CSMD1: variants seen among roughly 807,000 people sequenced by gnomAD.
The protein encoded by CSMD1 is CUB and sushi domain-containing protein 1.
CSMD1 carries 213 observed loss-of-function variants against 417.5 expected under a neutral mutation model. The observed-to-expected ratio is 0.51, with a 90% CI of 0.46 to 0.57. The LOEUF (loss-of-function observed/expected upper bound fraction) is 0.57, where lower values mean the gene tolerates loss of function less well. CSMD1 is among the 20% of genes least tolerant of loss of function. The pLI is 0.00. For synonymous variants in CSMD1, 2,862 were observed against 1,736.8 expected (o/e 1.65, Z -16.11); for missense variants, 6,923 against 4,529.7 (o/e 1.53, Z -15.17).
intron 1 of CSMD1, among the ~76,000 whole-genome samples, chr8:4,956,821 T>G: frequency 6.6e-6 from 1 of 152,282 alleles, no homozygotes; most frequent in Non-Finnish European, 1.5e-5. Flanking sequence ...ACCTGTTGCA[T>G]TGCTTCCACG....
At chr8:3,759,559 T>C (rs1443953591) in intron 5 of CSMD1, among the ~76,000 whole-genome samples, 1 of 151,544 alleles carries the variant, frequency 6.6e-6, no homozygotes, top group East Asian at 1.9e-4. Flanking sequence ...TGGTGGAAAA[T>C]GGGCATGAAC....
At chr8:4,452,934 T>C (rs76752136) in intron 2 of CSMD1, among the ~76,000 whole-genome samples, 16,609 of 152,158 alleles carry the variant, frequency 0.11, 1,444 homozygotes, top group East Asian at 0.41. Context: ...CTTTTTATTT[T>C]AGTTAAATAG....
intron 8 of CSMD1, among the ~76,000 whole-genome samples, chr8:3,615,035 T>G (rs779997390): frequency 2.0e-5 from 3 of 152,218 alleles, no homozygotes; most frequent in Non-Finnish European, 4.4e-5. Context: ...TTCGTTGCTT[T>G]GTTTTCAAAA....
At chr8:3,993,650 T>C (rs949742897) in intron 5 of CSMD1, among the ~76,000 whole-genome samples, 1 of 152,300 alleles carries the variant, frequency 6.6e-6, no homozygotes, top group South Asian at 2.1e-4. Flanking sequence ...GTTATGCTGG[T>C]TCATGAAAAA....
chr8:4,431,055 G>T (rs1658820), intron 2 of CSMD1, among the ~76,000 whole-genome samples: 49,278 of 151,914 alleles, frequency 0.32, 8,674 homozygotes, highest in African/African-American at 0.48. Context: ...CTCGTGGAGT[G>T]TCCATTTTAT....
At chr8:4,705,362 TGATG>T (rs1181458243) in intron 1 of CSMD1, among the ~76,000 whole-genome samples, 2 of 152,190 alleles carry the variant, frequency 1.3e-5, no homozygotes, top group African/African-American at 4.8e-5. Flanking sequence ...CTGGAAACCA[TGATG>T]TAAGACAACC....
At chr8:3,128,225 C>G (rs570302154) in intron 41 of CSMD1, 1 of 152,090 alleles carries the variant, frequency 6.6e-6, no homozygotes, top group Non-Finnish European at 1.5e-5. Context: ...ATAAGTGCAA[C>G]GAGACCATGC....
At chr8:4,596,589 C>G (rs4875369) in intron 2 of CSMD1, among the ~76,000 whole-genome samples, 133,639 of 152,202 alleles carry the variant, frequency 0.88, 59,025 homozygotes, top group Non-Finnish European at 0.93. Context: ...CTCTGAAGTG[C>G]ATATATTCTT....
intron 3 of CSMD1, among the ~76,000 whole-genome samples, chr8:4,316,702 G>A (rs572291071): frequency 3.9e-5 from 6 of 152,128 alleles, no homozygotes; most frequent in African/African-American, 1.4e-4. Context: ...TCCTTTATGT[G>A]TTTCAAAATA....
At chr8:3,371,118 T>A (rs1177335606) in intron 18 of CSMD1, among the ~76,000 whole-genome samples, 1 of 152,208 alleles carries the variant, frequency 6.6e-6, no homozygotes, top group African/African-American at 2.4e-5. Flanking sequence ...GGTTCCCAGG[T>A]CTTCAGTCTC....
At chr8:3,654,789 C>G (rs1341762116) in intron 7 of CSMD1, among the ~76,000 whole-genome samples, 1 of 152,144 alleles carries the variant, frequency 6.6e-6, no homozygotes, top group Non-Finnish European at 1.5e-5. Flanking sequence ...CCCACTGGGT[C>G]TACCAGCTGC....
chr8:4,140,625 G>A (rs34658977), intron 3 of CSMD1, among the ~76,000 whole-genome samples: 44,999 of 150,024 alleles, frequency 0.3, 8,522 homozygotes, highest in Non-Finnish European at 0.39. Flanking sequence ...CCATGATTGC[G>A]CCACTGCACT....
chr8:3,294,730 T>C (rs1189964371), intron 25 of CSMD1, among the ~76,000 whole-genome samples: 2 of 152,148 alleles, frequency 1.3e-5, no homozygotes, highest in African/African-American at 4.8e-5. Context: ...GTCACCCCTT[T>C]CTTTGACTAG....
In CSMD1 at chr8:3,394,029, T is replaced by A. The variant is rs1166115537; in HGVS notation, c.2593+2165A>T. ...AAAATAAATTATATATATATATATA[T>A]ATATATATATATATATATATATATA... On this transcript the variant is annotated intron_variant, in intron 17 of 69. Coordinates refer to ENST00000635120, the MANE Select transcript of CSMD1 (RefSeq NM_033225.6). Among the ~76,000 whole-genome samples, 138 of 69,902 alleles carry A rather than the reference T, an allele frequency of 2.0e-3. 6 individuals carry two copies. Among genetic ancestry groups the A allele is most frequent in the South Asian group, 3.4e-3 (9 of 2,646 alleles). The allele number at this position is 69,902 out of a possible 152,430, so 45.9% of individuals were successfully genotyped here. A position where few individuals can be genotyped will look rare whatever the true frequency, so the allele number is the denominator to read the frequency against.
At chr8:3,203,232 G>C (rs1167961235) in intron 31 of CSMD1, among the ~76,000 whole-genome samples, 1 of 152,202 alleles carries the variant, frequency 6.6e-6, no homozygotes, top group East Asian at 1.9e-4. Context: ...TTGAGTACAA[G>C]ATGTCAGGAG....
intron 6 of CSMD1, among the ~76,000 whole-genome samples, chr8:3,748,380 T>G (rs145751860): frequency 3.9e-5 from 6 of 152,206 alleles, no homozygotes; most frequent in African/African-American, 1.4e-4. Flanking sequence ...AAATACAAGA[T>G]AGCAAGGGAG....
At chr8:4,197,666 G>A (rs890091103) in intron 3 of CSMD1, among the ~76,000 whole-genome samples, 2 of 152,148 alleles carry the variant, frequency 1.3e-5, no homozygotes, top group African/African-American at 2.4e-5. Context: ...ATCATTTGAG[G>A]CCAGGAGTTT....
chr8:4,040,962 T>A (rs1797855241), intron 3 of CSMD1, among the ~76,000 whole-genome samples: 1 of 152,070 alleles, frequency 6.6e-6, no homozygotes, highest in South Asian at 2.1e-4. Context: ...CATTTTGACT[T>A]CACTAGTGAA....
intron 26 of CSMD1, among the ~76,000 whole-genome samples, chr8:3,233,146 G>C (rs1192919395): frequency 6.6e-6 from 1 of 151,320 alleles, no homozygotes; most frequent in Non-Finnish European, 1.5e-5. Flanking sequence ...TAAATACTAT[G>C]GCTTGACTAT....
Sources: gnomAD v4.1 joint callset for allele counts (sites outside exome capture counted in the v4.1 genomes callset) on GRCh38, gnomAD v4.1.1 for gene constraint, MANE v1.5 for transcripts, NCBI Gene and HGNC (gene_info 2026-07-23, HGNC 2026-07-21) for gene names.